Variants in LAMB4 observed in about 807,000 individuals in gnomAD.
LAMB4 encodes the protein laminin subunit beta-4.
LAMB4 carries 196 observed loss-of-function variants against 199.2 expected under a neutral mutation model. The ratio of observed to expected loss-of-function variants is 0.98; its 90% CI spans 0.88 to 1.11. The LOEUF is 1.11. Ranked by LOEUF, LAMB4 falls within the 50% of genes least tolerant of loss-of-function variation. The probability of loss-of-function intolerance (pLI) is 0.00; values close to 1 mark genes in which losing one functional copy is unlikely to be tolerated. For missense variants in LAMB4, 2,080 were observed against 2,171.2 expected (o/e 0.96, Z 0.83); for synonymous variants, 744 against 770.6 (o/e 0.97, Z 0.57).
chr7:108,033,498 C>T (rs1406889169), intron 31 of LAMB4, among the ~76,000 whole-genome samples: 1 of 152,136 alleles, frequency 6.6e-6, no homozygotes, highest in Non-Finnish European at 1.5e-5. Context: ...GCAACCTCCG[C>T]CCCCTGGAGG....
rs767522676 is a variant in LAMB4, at chr7:108,111,900, G to A, written c.239C>T (p.Pro80Leu). 51 of 1,610,346 alleles carry A rather than the reference G, an allele frequency of 3.2e-5. No homozygotes were observed. In the East Asian group the frequency reaches 9.6e-4, roughly 30 times the overall value. Residue 80 changes from proline (P) to leucine (L), a missense_variant, in exon 4 of 34, where the codon CCG (proline) becomes CTG (leucine). Transcript: ENST00000388781. ...FICDSRFPYD[P>L]YDQPNSHTIE... ...GGTGTGGCTGTTGGGTTGGTCATAC[G>A]GATCATATGGAAATCTAGAGTCACA...
At chr7:108,088,166 CT>C (rs56403423) in intron 14 of LAMB4, among the ~76,000 whole-genome samples, 57,659 of 145,658 alleles carry the variant, frequency 0.4, 11,085 homozygotes, top group East Asian at 0.58. Context: ...TTGCTAAAAT[CT>C]TTTTTTTTTT....
intron 10 of LAMB4, 114 bp downstream of exon 10, chr7:108,102,930 A>G: frequency 1.2e-6 from 1 of 853,746 alleles, no homozygotes; most frequent in South Asian, 2.9e-5. Flanking sequence ...CCACTCTCCA[A>G]AATAGGGTAG....
At position 108,104,639 on chromosome 7, in the gene LAMB4, G is replaced by A. The variant is rs2037936919; in HGVS notation, c.871-20C>T. The stretch of plus-strand genomic sequence containing the variant: ...GTGAACCTGCATTGTGCAATAAATA[G>A]AGCGTTGAAAGAGGGCTTGTCCTTG... On this transcript the variant is annotated intron_variant, in intron 8 of 33. Transcript: ENST00000388781. The A allele has an allele frequency of 1.2e-6, 2 of 1,611,328 alleles. No individual in the cohort carries two copies. The highest frequency in any genetic ancestry group is 4.5e-5 in the East Asian group (2 of 44,730).
At chr7:108,111,437 T>A (rs1262146663) in intron 4 of LAMB4, among the ~76,000 whole-genome samples, 1 of 152,374 alleles carries the variant, frequency 6.6e-6, no homozygotes, top group Non-Finnish European at 1.5e-5. Context: ...ACTCTCAGAC[T>A]TCCCCTGGCA....
At chr7:108,033,735 A>ATTTTTTTTTTTTTTTTTT (rs556578520) in intron 31 of LAMB4, among the ~76,000 whole-genome samples, 1 of 102,078 alleles carries the variant, frequency 9.8e-6, no homozygotes. Flanking sequence ...TTGGATGAGT[A>ATTTTTTTTTTTTTTTTTT]TTTTTTTTTT....
chr7:108,058,622 C>G (rs2036061069), intron 23 of LAMB4, among the ~76,000 whole-genome samples: 1 of 152,188 alleles, frequency 6.6e-6, no homozygotes, highest in South Asian at 2.1e-4. Context: ...TGGCTAGATT[C>G]TTAGAGTGAC....
rs1028575995 is a variant in LAMB4, at chr7:108,123,248, A to G, written c.-33-51T>C. ...ATCACTGATAGAAGAAATAATTGCCATCATCACATGTTATGTAAAAGTGCT... is the reference window on the plus strand; with the variant it reads ...ATCACTGATAGAAGAAATAATTGCCGTCATCACATGTTATGTAAAAGTGCT... On this transcript the variant is annotated intron_variant, in intron 1 of 33. Coordinates refer to ENST00000388781, the MANE Select transcript of LAMB4 (RefSeq NM_007356.3). 8 of 1,133,386 alleles carry G rather than the reference A, an allele frequency of 7.1e-6. No individual in the cohort carries two copies. The African/African-American group carries it at 9.3e-5, about 13-fold the overall frequency. 70.2% of individuals were successfully genotyped at this position (1,133,386 alleles called of 1,614,324 possible).
At chr7:108,107,898 T>C in intron 5 of LAMB4, 79 bp from the exon 6 acceptor site, 1 of 1,000,068 alleles carries the variant, frequency 1.0e-6, no homozygotes, top group South Asian at 1.7e-5. Context: ...ATTTGTATTT[T>C]CTAATTCCAT....
intron 8 of LAMB4, 121 bp from the exon 9 acceptor site, chr7:108,104,740 T>C (rs975655955): frequency 1.4e-4 from 147 of 1,039,496 alleles, no homozygotes; most frequent in Non-Finnish European, 2.0e-4. Context: ...TTCCCATATG[T>C]TAATTACAAT....
At chr7:108,031,025 C>A (rs2035010839) in intron 31 of LAMB4, 46 bp from the exon 32 acceptor site, 5 of 1,557,762 alleles carry the variant, frequency 3.2e-6, no homozygotes, top group East Asian at 2.3e-5. Context: ...CTTTATGAAA[C>A]AAACAAGAAG....
intron 26 of LAMB4, among the ~76,000 whole-genome samples, chr7:108,050,730 T>G (rs1373287234): frequency 6.6e-6 from 1 of 152,184 alleles, no homozygotes; most frequent in South Asian, 2.1e-4. Flanking sequence ...TCACTTATCA[T>G]GAAAAAAGTG....
At chr7:108,121,643 G>A (rs189739183) in intron 2 of LAMB4, among the ~76,000 whole-genome samples, 129 of 151,988 alleles carry the variant, frequency 8.5e-4, no homozygotes, top group African/African-American at 2.5e-3. Context: ...CCAGCTACTC[G>A]GGAGGCTGAG....
chr7:108,084,925 T>C (rs1016914472), intron 14 of LAMB4, among the ~76,000 whole-genome samples: 1 of 151,744 alleles, frequency 6.6e-6, no homozygotes, highest in Non-Finnish European at 1.5e-5. Context: ...TTATTTTTTT[T>C]GCAGAGATGG....
In LAMB4 at chr7:108,095,303, G is replaced by A; in HGVS notation, c.1395C>T (p.Phe465=). 2 of 1,613,984 alleles carry A rather than the reference G, an allele frequency of 1.2e-6. No individual in the cohort carries two copies. The highest frequency in any genetic ancestry group is 1.7e-6 in the Non-Finnish European group (2 of 1,179,974). ...CDCNPLGSLP[F]LTCDVDTGQC... ...GGCCTGTATCCACATCACAGGTCAAGAATGGCAGACTCCCAAGGGGGTTAC... is the reference window on the plus strand; with the variant it reads ...GGCCTGTATCCACATCACAGGTCAAAAATGGCAGACTCCCAAGGGGGTTAC... Residue 465 remains phenylalanine, a synonymous_variant, in exon 12 of 34, where the codon TTC becomes TTT. Coordinates refer to ENST00000388781, the MANE Select transcript of LAMB4 (RefSeq NM_007356.3).
intron 23 of LAMB4, among the ~76,000 whole-genome samples, chr7:108,060,227 T>C (rs116907383): frequency 0.014 from 2,193 of 152,332 alleles, 29 homozygotes; most frequent in Middle Eastern, 0.037. Flanking sequence ...ACCAATACCA[T>C]CTAACTTTCA....
At chr7:108,043,545 G>GCTTTTTT (rs2035496600) in intron 29 of LAMB4, among the ~76,000 whole-genome samples, 2 of 56,002 alleles carry the variant, frequency 3.6e-5, no homozygotes, top group African/African-American at 2.9e-4. Flanking sequence ...TGGCTATGAT[G>GCTTTTTT]TTTTTTTTTT....
chr7:108,101,129 T>G (rs148496415), intron 10 of LAMB4, among the ~76,000 whole-genome samples: 1 of 152,198 alleles, frequency 6.6e-6, no homozygotes, highest in Non-Finnish European at 1.5e-5. Flanking sequence ...CACTTTAGCA[T>G]TATATGGATA....
intron 33 of LAMB4, chr7:108,027,051 T>C (rs768424403): frequency 3.2e-5 from 12 of 373,264 alleles, no homozygotes; most frequent in Middle Eastern, 3.8e-4. Context: ...GTGGAAACAA[T>C]GTGTGTATGA....
Sources: gnomAD v4.1 joint callset for allele counts (sites outside exome capture counted in the v4.1 genomes callset) on GRCh38, gnomAD v4.1.1 for gene constraint, MANE v1.5 for transcripts, NCBI Gene and HGNC (gene_info 2026-07-23, HGNC 2026-07-21) for gene names.